Variants in SLC22A25 observed in about 807,000 individuals in gnomAD.
SLC22A25 encodes MGI:2442751, MGI:2385316, MGI:3042283, MGI:3645714, MGI:3605624, MGI:2442750.
SLC22A25 carries 44 observed loss-of-function variants against 45.9 expected under a neutral mutation model. That is an observed-to-expected ratio of 0.96 (90% CI 0.75 to 1.23). The LOEUF (loss-of-function observed/expected upper bound fraction) is 1.23, where lower values mean the gene tolerates loss of function less well. Ranked by LOEUF, SLC22A25 falls within the 50% of genes most tolerant of loss-of-function variation. The pLI is 0.00. For synonymous variants in SLC22A25, 283 were observed against 238.6 expected (o/e 1.19, Z -1.72); for missense variants, 800 against 666.4 (o/e 1.20, Z -2.21).
At chr11:63,204,523 A>G (rs2089341787) in intron 7 of SLC22A25, among the ~76,000 whole-genome samples, 1 of 152,198 alleles carries the variant, frequency 6.6e-6, no homozygotes, top group African/African-American at 2.4e-5. Context: ...GATAAAACAG[A>G]CTTCAGACTT....
At chr11:63,236,689 A>G (rs2090170534) in intron 3 of SLC22A25, among the ~76,000 whole-genome samples, 1 of 152,136 alleles carries the variant, frequency 6.6e-6, no homozygotes, top group South Asian at 2.1e-4. Flanking sequence ...GGCACTCCCC[A>G]GTGAGATGAA....
At chr11:63,187,357 G>T (rs2088599428) in intron 7 of SLC22A25, among the ~76,000 whole-genome samples, 2 of 152,076 alleles carry the variant, frequency 1.3e-5, no homozygotes, top group Admixed American at 6.5e-5. Context: ...GTCTGTTATT[G>T]GTGTATAAGA....
At position 63,221,228 on chromosome 11, in the gene SLC22A25, G is replaced by A. The variant is rs139512578; in HGVS notation, c.507-3493C>T. Among the ~76,000 whole-genome samples the A allele has an allele frequency of 2.6e-5, 4 of 152,198 alleles. 1 individual carries two copies. The highest frequency in any genetic ancestry group is 9.6e-5 in the African/African-American group (4 of 41,540). ...TTGTTTTCCATGGGAGTTGTACTAAGTTATATTCCCACCAACAGTTCATGA... is the reference window on the plus strand; with the variant it reads ...TTGTTTTCCATGGGAGTTGTACTAAATTATATTCCCACCAACAGTTCATGA... On this transcript the variant is annotated intron_variant, in intron 5 of 11. Transcript: ENST00000306494.
At chr11:63,205,081 A>G (rs1056421948) in intron 7 of SLC22A25, among the ~76,000 whole-genome samples, 9 of 152,226 alleles carry the variant, frequency 5.9e-5, no homozygotes, top group Admixed American at 2.0e-4. Context: ...TAACAAAATT[A>G]AGGCAGAAAA....
chr11:63,216,858 A>G (rs924524265), intron 7 of SLC22A25, among the ~76,000 whole-genome samples: 1 of 152,206 alleles, frequency 6.6e-6, no homozygotes, highest in Non-Finnish European at 1.5e-5. Context: ...GGTATGGATA[A>G]ATTTAAATTT....
At chr11:63,197,290 A>G (rs756881738) in intron 7 of SLC22A25, among the ~76,000 whole-genome samples, 1 of 152,180 alleles carries the variant, frequency 6.6e-6, no homozygotes, top group Non-Finnish European at 1.5e-5. Flanking sequence ...AAGAGCCCAC[A>G]TTGCCAAGAC....
At chr11:63,220,086 G>T in intron 5 of SLC22A25, 1 of 1,072,272 alleles carries the variant, frequency 9.3e-7, no homozygotes, top group Non-Finnish European at 1.3e-6. Flanking sequence ...CACAGACTGT[G>T]ACAATATTGT....
intron 9 of SLC22A25, among the ~76,000 whole-genome samples, chr11:63,179,775 G>A (rs1322039262): frequency 6.6e-6 from 1 of 152,140 alleles, no homozygotes; most frequent in African/African-American, 2.4e-5. Context: ...CTCAAGTTGT[G>A]CATATTCTTT....
At chr11:63,192,003 A>G (rs1249738873) in intron 7 of SLC22A25, among the ~76,000 whole-genome samples, 1 of 152,206 alleles carries the variant, frequency 6.6e-6, no homozygotes, top group Admixed American at 6.5e-5. Context: ...ATACTTCACA[A>G]GAAGATCATC....
chr11:63,167,062 C>A (rs2087710476), intron 9 of SLC22A25: 1 of 158,798 alleles, frequency 6.3e-6, no homozygotes, highest in Admixed American at 6.5e-5. Flanking sequence ...CATCACCTCA[C>A]CCAGGAAGTC....
chr11:63,186,420 G>C (rs1363103733), intron 7 of SLC22A25, among the ~76,000 whole-genome samples: 3 of 150,968 alleles, frequency 2.0e-5, no homozygotes, highest in African/African-American at 7.3e-5. Context: ...ATTTGTTTGA[G>C]TTCATTGTAG....
At chr11:63,209,338 T>C (rs2089495757) in intron 7 of SLC22A25, among the ~76,000 whole-genome samples, 1 of 152,094 alleles carries the variant, frequency 6.6e-6, no homozygotes, top group Non-Finnish European at 1.5e-5. Flanking sequence ...AAGGAATCCC[T>C]GAAGCCTCAG....
chr11:63,205,744 C>T (rs2089383594), intron 7 of SLC22A25, among the ~76,000 whole-genome samples: 1 of 152,124 alleles, frequency 6.6e-6, no homozygotes, highest in African/African-American at 2.4e-5. Flanking sequence ...AGTTGGTACC[C>T]TTCCTTCTGA....
chr11:63,163,763 G>T lies in SLC22A25; in HGVS notation c.*61C>A. 6.4e-7 allele frequency: 1 copy of T among 1,554,562 alleles called. No homozygotes were observed. The highest frequency in any genetic ancestry group is 8.7e-7 in the Non-Finnish European group (1 of 1,153,402). ...GCACTGACTACATGGGAATAGCCCA[G>T]ATCTAAGCCTTTTTGGGGGATGGTA... On this transcript the variant is annotated 3_prime_UTR_variant, in exon 12 of 12. Transcript: ENST00000306494.
At chr11:63,177,958 T>A (rs2088175381) in intron 9 of SLC22A25, among the ~76,000 whole-genome samples, 1 of 145,040 alleles carries the variant, frequency 6.9e-6, no homozygotes. Context: ...AAAGTGACAC[T>A]CCACCTCCTT....
intron 7 of SLC22A25, 32 bp downstream of exon 7, chr11:63,217,282 C>T: frequency 6.2e-7 from 1 of 1,604,006 alleles, no homozygotes; most frequent in South Asian, 1.1e-5. Flanking sequence ...TCAAGGATGT[C>T]ATATGGCAAA....
intron 5 of SLC22A25, among the ~76,000 whole-genome samples, chr11:63,225,649 TG>T (rs1201858581): frequency 6.6e-6 from 1 of 152,194 alleles, no homozygotes; most frequent in Non-Finnish European, 1.5e-5. Context: ...ATGATTTTCT[TG>T]TACTTGAATA....
intron 8 of SLC22A25, among the ~76,000 whole-genome samples, chr11:63,181,510 C>T (rs957510253): frequency 3.3e-5 from 5 of 149,770 alleles, no homozygotes; most frequent in African/African-American, 4.9e-5. Flanking sequence ...TTTGTCCTTG[C>T]GATAGTTTGA....
rs2087527306 is a variant in SLC22A25 at position 63,160,808 on chromosome 11, G to A, written c.*3016C>T. Among the ~76,000 whole-genome samples, 1 of 152,162 alleles carries A rather than the reference G, an allele frequency of 6.6e-6. No individual in the cohort carries two copies. Among genetic ancestry groups the A allele is most frequent in the South Asian group, 2.1e-4 (1 of 4,828 alleles). ...ATGGAAACCCACCTTTTGCATCATT[G>A]TGACCCAAATGTGAGACATGCAGTC... is the stretch of plus-strand genomic sequence containing the variant. On this transcript the variant is annotated 3_prime_UTR_variant, in exon 12 of 12. Coordinates refer to ENST00000306494, the MANE Select transcript of SLC22A25 (RefSeq NM_199352.6).
Sources: gnomAD v4.1 joint callset for allele counts (sites outside exome capture counted in the v4.1 genomes callset) on GRCh38, gnomAD v4.1.1 for gene constraint, MANE v1.5 for transcripts, NCBI Gene and HGNC (gene_info 2026-07-23, HGNC 2026-07-21) for gene names.